Variants in PARM1 observed in about 807,000 individuals in gnomAD.
The protein encoded by PARM1 is WSC4, cell wall integrity and stress response component 4 homolog.
A neutral mutation model predicts 24.6 loss-of-function variants in PARM1; 14 were observed. The ratio of observed to expected loss-of-function variants is 0.57; its 90% confidence interval spans 0.38 to 0.89. PARM1 has a LOEUF of 0.89. Ranked by LOEUF, PARM1 falls within the 40% of genes least tolerant of loss-of-function variation. PARM1 has a pLI of 0.00. For missense variants in PARM1, 362 were observed against 380.4 expected, an observed-to-expected ratio of 0.95 and a Z score of 0.40; for synonymous variants, 179 against 156.6, an observed-to-expected ratio of 1.14 and a Z score of -1.07.
chr4:75,028,186 C>T lies in PARM1; in HGVS notation c.770-5697C>T, dbSNP rs368784651. The stretch of plus-strand genomic sequence containing the variant: ...TGTTAGTTGCTATTATTTTTGTTGT[C>T]GTTGATTTCTCCTGCTATTACTGTT... On this transcript the variant is annotated intron_variant, in intron 2 of 3. Coordinates refer to ENST00000307428, the MANE Select transcript of PARM1 (RefSeq NM_015393.4). 5.3e-5 allele frequency among the ~76,000 whole-genome samples: 8 copies of T among 152,298 alleles called. No homozygotes were observed. The East Asian group carries it at 5.8e-4, about 11-fold the overall frequency.
intron 2 of PARM1, among the ~76,000 whole-genome samples, chr4:75,019,021 C>T (rs571834058): frequency 6.6e-6 from 1 of 152,206 alleles, no homozygotes; most frequent in Non-Finnish European, 1.5e-5. Context: ...AGGGGTAGAG[C>T]TGCCCAGTGG....
chr4:74,989,892 G>A (rs967999999), intron 1 of PARM1, among the ~76,000 whole-genome samples: 1 of 152,144 alleles, frequency 6.6e-6, no homozygotes, highest in African/African-American at 2.4e-5. Flanking sequence ...TATCACAGAG[G>A]AATTCACCTA....
At chr4:74,996,600 G>A (rs944592116) in intron 1 of PARM1, among the ~76,000 whole-genome samples, 7 of 152,138 alleles carry the variant, frequency 4.6e-5, no homozygotes, top group African/African-American at 1.7e-4. Context: ...GATGGGAGCT[G>A]GGGCTCATTT....
At chr4:74,987,238 C>T (rs1257515778) in intron 1 of PARM1, among the ~76,000 whole-genome samples, 1 of 152,010 alleles carries the variant, frequency 6.6e-6, no homozygotes. Flanking sequence ...AGAATCTGGT[C>T]CGGCACTGGT....
At chr4:74,992,792 T>A (rs1292009732) in intron 1 of PARM1, among the ~76,000 whole-genome samples, 2 of 152,176 alleles carry the variant, frequency 1.3e-5, no homozygotes, top group Non-Finnish European at 2.9e-5. Flanking sequence ...CTTTCAGACA[T>A]ACACAATCTG....
intron 1 of PARM1, among the ~76,000 whole-genome samples, chr4:74,946,466 C>T (rs1301701948): frequency 1.3e-5 from 2 of 152,174 alleles, no homozygotes; most frequent in Non-Finnish European, 2.9e-5. Flanking sequence ...TGCCAAATTG[C>T]CTGCTCTCTT....
At chr4:74,944,949 G>T (rs1359439379) in intron 1 of PARM1, among the ~76,000 whole-genome samples, 6 of 152,138 alleles carry the variant, frequency 3.9e-5, no homozygotes, top group Non-Finnish European at 7.3e-5. Flanking sequence ...TTGGCTTAAG[G>T]ACTGTTTTTA....
Position 74,977,761 on chromosome 4 carries a change from CAA to C in PARM1, c.44-34662_44-34661del, listed in dbSNP as rs369709354. The stretch of plus-strand genomic sequence containing the variant: ...AAAGGGAAACCCATCAGACTGACAG[CAA>C]ACCTCTCAGTGGAAACCCTACAAGC... On this transcript the variant is annotated intron_variant, in intron 1 of 3. Transcript: ENST00000307428. Among the ~76,000 whole-genome samples the C allele has an allele frequency of 4.1e-3, 631 of 152,240 alleles. 5 individuals are homozygous for C. The highest frequency in any genetic ancestry group is 0.015 in the African/African-American group (605 of 41,530).
intron 1 of PARM1, among the ~76,000 whole-genome samples, chr4:75,009,351 A>AGCCTAGT: frequency 6.6e-6 from 1 of 152,364 alleles, no homozygotes; most frequent in East Asian, 1.9e-4. Context: ...AGCAGATTTT[A>AGCCTAGT]GCCTAGTACC....
intron 1 of PARM1, among the ~76,000 whole-genome samples, chr4:74,962,191 GT>G (rs1195833292): frequency 1.3e-5 from 2 of 152,142 alleles, no homozygotes; most frequent in East Asian, 3.8e-4. Context: ...TTGGAGCAGA[GT>G]TTTTGTATGT....
intron 1 of PARM1, among the ~76,000 whole-genome samples, chr4:74,939,837 A>G (rs1387705492): frequency 6.6e-6 from 1 of 152,222 alleles, no homozygotes; most frequent in Non-Finnish European, 1.5e-5. Flanking sequence ...ATAAATTACC[A>G]GGTGTGATAT....
At chr4:74,979,298 A>C (rs1445918004) in intron 1 of PARM1, among the ~76,000 whole-genome samples, 1 of 152,212 alleles carries the variant, frequency 6.6e-6, no homozygotes, top group African/African-American at 2.4e-5. Flanking sequence ...CACTGACCCA[A>C]CAGAAATACA....
intron 1 of PARM1, among the ~76,000 whole-genome samples, chr4:74,981,827 A>G (rs1029892143): frequency 2.0e-5 from 3 of 150,818 alleles, no homozygotes; most frequent in African/African-American, 7.4e-5. Flanking sequence ...GTGAGCCGAA[A>G]TCGCGCCACT....
At chr4:74,947,402 G>A (rs570022200) in intron 1 of PARM1, among the ~76,000 whole-genome samples, 25 of 152,102 alleles carry the variant, frequency 1.6e-4, no homozygotes, top group Non-Finnish European at 3.1e-4. Context: ...AGAGGTAGGA[G>A]GAATTTATAA....
At chr4:74,977,160 A>G (rs1057507883) in intron 1 of PARM1, among the ~76,000 whole-genome samples, 2 of 152,316 alleles carry the variant, frequency 1.3e-5, no homozygotes, top group Middle Eastern at 3.4e-3. Flanking sequence ...AACAAACTTT[A>G]CTGAGCTACC....
Position 75,012,529 on chromosome 4 carries a change from G to T in PARM1, c.148G>T (p.Asp50Tyr), listed in dbSNP as rs769194001. 6.2e-7 allele frequency: 1 copy of T among 1,613,906 alleles called. No individual in the cohort carries two copies. Among genetic ancestry groups the T allele is most frequent in the East Asian group, 2.2e-5 (1 of 44,878 alleles). Residue 50 changes from aspartate to tyrosine, a missense_variant, in exon 2 of 4, where the codon GAT (aspartate) becomes TAT (tyrosine). Physicochemically the swap from Asp to Tyr is radical, Grantham distance 160. Transcript: ENST00000307428. ...CTGGACTAGCTCTCCACAAAACACT[G>T]ATGCAGACACTGCCTCCCCATCCAA... ...TIWTSSPQNT[D>Y]ADTASPSNGT... is the part of the protein sequence containing the mutation.
intron 1 of PARM1, among the ~76,000 whole-genome samples, chr4:74,987,965 A>T (rs572112701): frequency 6.6e-6 from 1 of 152,214 alleles, no homozygotes; most frequent in Non-Finnish European, 1.5e-5. Flanking sequence ...ACTGTGTGTC[A>T]TGTGAGGCCC....
intron 1 of PARM1, among the ~76,000 whole-genome samples, chr4:74,944,042 G>A (rs1298749482): frequency 6.6e-6 from 1 of 152,196 alleles, no homozygotes; most frequent in East Asian, 1.9e-4. Context: ...TAGCTGAGGT[G>A]GGGGAAGGAA....
At chr4:74,986,699 G>A (rs1722361974) in intron 1 of PARM1, among the ~76,000 whole-genome samples, 1 of 152,120 alleles carries the variant, frequency 6.6e-6, no homozygotes, top group South Asian at 2.1e-4. Flanking sequence ...TGGGGTTGCA[G>A]GTAACTGAAA....
Sources: gnomAD v4.1 joint callset for allele counts (sites outside exome capture counted in the v4.1 genomes callset) on GRCh38, gnomAD v4.1.1 for gene constraint, MANE v1.5 for transcripts, NCBI Gene and HGNC (gene_info 2026-07-23, HGNC 2026-07-21) for gene names.